Variants in CHL1 observed in about 807,000 individuals in gnomAD.
The protein encoded by CHL1 is cell adhesion molecule L1 like, also known as neural cell adhesion molecule L1-like protein.
Under a neutral mutation model 141.9 loss-of-function variants are expected in CHL1, and 96 were observed. That is an observed-to-expected ratio of 0.68 (90% CI 0.57 to 0.80). The LOEUF (loss-of-function observed/expected upper bound fraction) is 0.80. Ranked by LOEUF, CHL1 falls within the 30% of genes least tolerant of loss-of-function variation. The pLI is 0.00. For missense variants in CHL1, 1,820 were observed against 1,457.2 expected (o/e 1.25, Z -4.05); for synonymous variants, 613 against 502.2 (o/e 1.22, Z -2.95).
intron 19 of CHL1, among the ~76,000 whole-genome samples, chr3:386,393 A>G (rs1169592206): frequency 6.6e-6 from 1 of 152,160 alleles, no homozygotes; most frequent in African/African-American, 2.4e-5. Flanking sequence ...TTTAGTTAGC[A>G]TTACCTTCAG....
At chr3:362,000 G>C (rs1192056275) in intron 13 of CHL1, among the ~76,000 whole-genome samples, 190 bp downstream of exon 13, 1 of 152,148 alleles carries the variant, frequency 6.6e-6, no homozygotes, top group Non-Finnish European at 1.5e-5. Flanking sequence ...AGATTTCTAG[G>C]ATTTTCTCAC....
At chr3:315,151 T>G (rs1055724649) in intron 2 of CHL1, among the ~76,000 whole-genome samples, 1 of 152,206 alleles carries the variant, frequency 6.6e-6, no homozygotes, top group Non-Finnish European at 1.5e-5. Flanking sequence ...CTTTCACTAG[T>G]ATTAGCAAAT....
chr3:258,555 T>C (rs1301283418), intron 2 of CHL1, among the ~76,000 whole-genome samples: 1 of 152,246 alleles, frequency 6.6e-6, no homozygotes, highest in East Asian at 1.9e-4. Context: ...TGTTTGAAGA[T>C]AGATTTCATG....
chr3:393,025 A>C (rs1708365031), intron 23 of CHL1, among the ~76,000 whole-genome samples: 1 of 152,132 alleles, frequency 6.6e-6, no homozygotes, highest in Non-Finnish European at 1.5e-5. Context: ...CGAGGTCAGG[A>C]GATCGAGACC....
intron 19 of CHL1, chr3:385,629 A>G (rs1707600584): frequency 1.3e-5 from 2 of 152,178 alleles, no homozygotes; most frequent in East Asian, 1.9e-4. Flanking sequence ...GGAGTTTGAG[A>G]CCAGCCTGGA....
intron 2 of CHL1, among the ~76,000 whole-genome samples, chr3:288,709 C>T (rs1239706520): frequency 6.6e-6 from 1 of 152,186 alleles, no homozygotes; most frequent in Admixed American, 6.5e-5. Flanking sequence ...TGCGCTCCAT[C>T]TTTGCATTCT....
chr3:215,398 G>C (rs923055590), intron 1 of CHL1, among the ~76,000 whole-genome samples: 2 of 152,186 alleles, frequency 1.3e-5, no homozygotes, highest in African/African-American at 4.8e-5. Context: ...AGTGACTCCG[G>C]AATGTATCAA....
chr3:337,191 GT>G (rs71058767), intron 5 of CHL1, among the ~76,000 whole-genome samples: 4,124 of 27,592 alleles, frequency 0.15, 199 homozygotes, highest in African/African-American at 0.36. Flanking sequence ...TTTTGTTTTT[GT>G]TTTTTTTTTT....
intron 1 of CHL1, among the ~76,000 whole-genome samples, chr3:241,706 G>A (rs776246234): frequency 4.0e-5 from 6 of 151,534 alleles, no homozygotes; most frequent in Non-Finnish European, 7.4e-5. Context: ...CAACCAATAA[G>A]GACCCAAATG....
intron 2 of CHL1, among the ~76,000 whole-genome samples, chr3:312,272 G>C (rs1051961340): frequency 1.3e-5 from 2 of 152,168 alleles, no homozygotes; most frequent in Admixed American, 1.3e-4. Flanking sequence ...AAATGTGCCA[G>C]CTCTGCAGGG....
intron 1 of CHL1, among the ~76,000 whole-genome samples, chr3:210,103 A>G (rs1699778461): frequency 6.6e-6 from 1 of 152,220 alleles, no homozygotes. Flanking sequence ...GTAGGGATAT[A>G]CACAAGCTGT....
At chr3:315,393 A>G (rs1010867674) in intron 2 of CHL1, among the ~76,000 whole-genome samples, 7 of 152,148 alleles carry the variant, frequency 4.6e-5, no homozygotes, top group Non-Finnish European at 1.0e-4. Context: ...GTAGCTTTGC[A>G]CTTACTTGGG....
chr3:338,071 A>T (rs535887874), intron 5 of CHL1, among the ~76,000 whole-genome samples: 1 of 152,066 alleles, frequency 6.6e-6, no homozygotes, highest in East Asian at 1.9e-4. Flanking sequence ...TCACCATGTT[A>T]GCCAGGATGG....
chr3:239,595 A>ATATATATATAT lies in CHL1; in HGVS notation c.-174-5018_-174-5017insTATATATATAT, dbSNP rs5845955. On this transcript the variant is annotated intron_variant, in intron 1 of 27. Coordinates refer to ENST00000256509, the MANE Select transcript of CHL1 (RefSeq NM_006614.4). ...TAATTCATCTAAACAGTATATATAT[A>ATATATATATAT]AAATATATATATTTTAAAATTATTT... Among the ~76,000 whole-genome samples the ATATATATATAT allele has an allele frequency of 4.7e-3, 682 of 146,286 alleles. 7 individuals carry two copies. Among genetic ancestry groups the ATATATATATAT allele is most frequent in the South Asian group, 0.018 (86 of 4,690 alleles).
intron 26 of CHL1, among the ~76,000 whole-genome samples, chr3:401,375 G>T (rs546634184): frequency 6.6e-6 from 1 of 152,302 alleles, no homozygotes; most frequent in South Asian, 2.1e-4. Context: ...AAATTGAGTA[G>T]TCACGTGAAA....
At chr3:306,627 T>C (rs1324123793) in intron 2 of CHL1, among the ~76,000 whole-genome samples, 1 of 152,118 alleles carries the variant, frequency 6.6e-6, no homozygotes, top group African/African-American at 2.4e-5. Flanking sequence ...TTAGCATTTT[T>C]CAACCAGTAA....
chr3:390,566 C>G, intron 20 of CHL1, 135 bp from the exon 21 acceptor site: 2 of 607,704 alleles, frequency 3.3e-6, no homozygotes, highest in South Asian at 4.0e-5. Context: ...TCATGAGAAA[C>G]TCTTTTGGTT....
At chr3:263,616 G>A (rs940610004) in intron 2 of CHL1, among the ~76,000 whole-genome samples, 9 of 152,230 alleles carry the variant, frequency 5.9e-5, no homozygotes, top group Middle Eastern at 3.4e-3. Flanking sequence ...CTGTATCTGC[G>A]TCTGCATCTA....
intron 1 of CHL1, chr3:213,218 A>G (rs1456549082): frequency 6.6e-6 from 1 of 152,210 alleles, no homozygotes; most frequent in African/African-American, 2.4e-5. Flanking sequence ...AAGAATTGAA[A>G]AATAATTCAC....
Sources: gnomAD v4.1 joint callset for allele counts (sites outside exome capture counted in the v4.1 genomes callset) on GRCh38, gnomAD v4.1.1 for gene constraint, MANE v1.5 for transcripts, NCBI Gene and HGNC (gene_info 2026-07-23, HGNC 2026-07-21) for gene names.